The following LRBA variants were observed in gnomAD, a reference collection of about 807,000 sequenced individuals.
LRBA encodes the protein lipopolysaccharide-responsive and beige-like anchor protein.
Under a neutral mutation model 330.0 loss-of-function variants are expected in LRBA, and 176 were observed. That is an observed-to-expected ratio of 0.53 (90% CI 0.47 to 0.60). The LOEUF is 0.60. Ranked by LOEUF, LRBA falls within the 20% of genes least tolerant of loss-of-function variation. LRBA has a pLI of 0.00. For synonymous variants in LRBA, 1,230 were observed against 1,193.0 expected, an observed-to-expected ratio of 1.03 and a Z score of -0.64; for missense variants, 3,259 against 3,444.8, an observed-to-expected ratio of 0.95 and a Z score of 1.35.
At chr4:150,267,427 C>G (rs930308237) in intron 56 of LRBA, among the ~76,000 whole-genome samples, 2 of 135,660 alleles carry the variant, frequency 1.5e-5, no homozygotes, top group African/African-American at 5.3e-5. Context: ...AATGATGAGT[C>G]AAAAAAAACA....
rs561035404 is a variant in LRBA, at chr4:150,416,247, TA to T, written c.7042-658del. Among the ~76,000 whole-genome samples, 32 of 152,362 alleles carry T rather than the reference TA, an allele frequency of 2.1e-4. 1 individual carries two copies. The East Asian group carries it at 5.6e-3, about 27-fold the overall frequency. On this transcript the variant is annotated intron_variant, in intron 46 of 56. Coordinates refer to ENST00000651943, the MANE Select transcript of LRBA (RefSeq NM_001364905.1). ...CAGCTGCTTAGCCTTTTGTGTGTAA[TA>T]AACCCCATATATAACTATTTCAGAG... is the stretch of plus-strand genomic sequence containing the variant.
intron 47 of LRBA, among the ~76,000 whole-genome samples, chr4:150,360,316 TA>T (rs77442716): frequency 4.7e-3 from 551 of 118,190 alleles, no homozygotes; most frequent in Middle Eastern, 8.5e-3. Context: ...TTTTAAAAAG[TA>T]AAAAAAAAAA....
At chr4:150,650,886 A>G (rs1052178817) in intron 37 of LRBA, among the ~76,000 whole-genome samples, 1 of 152,156 alleles carries the variant, frequency 6.6e-6, no homozygotes, top group Non-Finnish European at 1.5e-5. Flanking sequence ...AGAGAACTAA[A>G]GAGGAGAAAC....
intron 42 of LRBA, among the ~76,000 whole-genome samples, chr4:150,478,219 C>G (rs1756928999): frequency 6.6e-6 from 1 of 152,100 alleles, no homozygotes; most frequent in South Asian, 2.1e-4. Context: ...CTTTTGAGCT[C>G]TCAACATACC....
chr4:150,352,552 AT>A (rs1737319705), intron 47 of LRBA, among the ~76,000 whole-genome samples: 1 of 152,212 alleles, frequency 6.6e-6, no homozygotes, highest in South Asian at 2.1e-4. Flanking sequence ...AATGCTTTAC[AT>A]TTACAAATTT....
At chr4:150,481,180 T>C (rs1561236948) in intron 42 of LRBA, among the ~76,000 whole-genome samples, 1 of 152,176 alleles carries the variant, frequency 6.6e-6, no homozygotes, top group Non-Finnish European at 1.5e-5. Flanking sequence ...TCCATGTTTT[T>C]TTATGGCTGA....
chr4:150,963,276 A>T (rs1738380817), intron 2 of LRBA, among the ~76,000 whole-genome samples: 1 of 147,972 alleles, frequency 6.8e-6, no homozygotes, highest in Admixed American at 6.6e-5. Flanking sequence ...GGCTCACTGC[A>T]GCCTCCCTGC....
chr4:150,911,590 A>G (rs1731997065), intron 9 of LRBA, among the ~76,000 whole-genome samples: 1 of 152,114 alleles, frequency 6.6e-6, no homozygotes, highest in African/African-American at 2.4e-5. Context: ...GTTAAATTCA[A>G]TTTCTTAGTA....
chr4:150,497,277 T>C (rs1442649275), intron 40 of LRBA, among the ~76,000 whole-genome samples: 1 of 152,172 alleles, frequency 6.6e-6, no homozygotes, highest in African/African-American at 2.4e-5. Flanking sequence ...ATTTACTTCA[T>C]CACCAACCAT....
rs138775288 is a variant in LRBA at position 150,468,758 on chromosome 4, T to C, written c.6668-973A>G. Among the ~76,000 whole-genome samples the C allele has an allele frequency of 3.3e-5, 5 of 152,194 alleles. No homozygotes were observed. The East Asian group carries it at 9.6e-4, about 29-fold the overall frequency. Reference sequence around the variant, plus strand: ...TTCTTTCTCAAATATATACTGATGTTATATCAATACGTAGCTGAATATTAA... The same window carrying C: ...TTCTTTCTCAAATATATACTGATGTCATATCAATACGTAGCTGAATATTAA... On this transcript the variant is annotated intron_variant, in intron 43 of 56. Transcript: ENST00000651943.
chr4:150,862,394 C>G (rs902043016), intron 22 of LRBA, among the ~76,000 whole-genome samples: 4 of 152,056 alleles, frequency 2.6e-5, no homozygotes, highest in African/African-American at 9.7e-5. Flanking sequence ...ATGGATGAAA[C>G]TGGAAACCAT....
chr4:150,334,827 C>T (rs1581041132), intron 48 of LRBA, among the ~76,000 whole-genome samples: 3 of 128,150 alleles, frequency 2.3e-5, no homozygotes, highest in Admixed American at 8.4e-5. Context: ...TTTGTTTTGT[C>T]TTGGTTTTTT....
intron 37 of LRBA, among the ~76,000 whole-genome samples, chr4:150,646,691 G>A (rs1779168966): frequency 6.6e-6 from 1 of 152,016 alleles, no homozygotes; most frequent in Non-Finnish European, 1.5e-5. Flanking sequence ...GTTAGCAGAA[G>A]GAGAAAATGA....
At chr4:150,817,093 T>C in intron 31 of LRBA, 31 bp downstream of exon 31, 3 of 1,601,022 alleles carry the variant, frequency 1.9e-6, no homozygotes, top group Non-Finnish European at 2.6e-6. Context: ...TCTAAAAACA[T>C]TTTTGTTGAA....
chr4:150,876,918 A>C (rs1047260797), intron 17 of LRBA, among the ~76,000 whole-genome samples: 1 of 152,168 alleles, frequency 6.6e-6, no homozygotes, highest in Non-Finnish European at 1.5e-5. Flanking sequence ...AGAATGGCAT[A>C]TTGGATAAAA....
intron 30 of LRBA, among the ~76,000 whole-genome samples, chr4:150,817,839 C>T (rs1454500267): frequency 1.3e-5 from 2 of 151,844 alleles, no homozygotes; most frequent in Non-Finnish European, 2.9e-5. Flanking sequence ...TATGATATAC[C>T]AATTTCAATT....
intron 40 of LRBA, chr4:150,584,352 C>G (rs548849366): frequency 2.6e-6 from 1 of 378,494 alleles, no homozygotes; most frequent in South Asian, 1.1e-4. Flanking sequence ...AAAGGTCACA[C>G]AAAAGAAGCA....
intron 47 of LRBA, among the ~76,000 whole-genome samples, chr4:150,402,322 C>G (rs761130183): frequency 3.4e-5 from 5 of 147,912 alleles, no homozygotes; most frequent in African/African-American, 1.2e-4. Context: ...TTGCTACAAA[C>G]ATTTTATTTT....
intron 47 of LRBA, among the ~76,000 whole-genome samples, chr4:150,412,897 G>T (rs1326818626): frequency 6.7e-6 from 1 of 150,272 alleles, no homozygotes; most frequent in African/African-American, 2.4e-5. Flanking sequence ...TTTTTAAATC[G>T]TGATTCAAAA....
Sources: gnomAD v4.1 joint callset for allele counts (sites outside exome capture counted in the v4.1 genomes callset) on GRCh38, gnomAD v4.1.1 for gene constraint, MANE v1.5 for transcripts, NCBI Gene and HGNC (gene_info 2026-07-23, HGNC 2026-07-21) for gene names.